The following LAG3 variants were observed in gnomAD, a reference collection of about 807,000 sequenced individuals.
LAG3 encodes the protein lymphocyte activation gene 3 protein.
A neutral mutation model predicts 49.0 loss-of-function variants in LAG3; 29 were observed. The ratio of observed to expected loss-of-function variants is 0.59; its 90% CI spans 0.44 to 0.81. The LOEUF is 0.81. Among genes scored for constraint, LAG3 ranks in the 30% least tolerant of loss-of-function variants. The probability of loss-of-function intolerance (pLI) is 0.00; values close to 1 mark genes in which losing one functional copy is unlikely to be tolerated. For missense variants in LAG3, 693 were observed against 695.2 expected (o/e 1.00, Z 0.04); for synonymous variants, 320 against 297.3 (o/e 1.08, Z -0.79).
At position 6,778,298 on chromosome 12, in the gene LAG3, C is replaced by T. The variant is rs1250567443; in HGVS notation, c.1486C>T (p.Gln496Ter). Residue 496 changes from glutamine to a stop codon, truncating the protein, a stop_gained, in exon 8 of 8, where the codon CAG becomes TAG. Coordinates refer to ENST00000203629, the MANE Select transcript of LAG3 (RefSeq NM_002286.6). LOFTEE classifies it low-confidence loss of function (END_TRUNC). Reference protein sequence around the residue: ...LEQGIHPPQAQSKIEELEQEP... With the variant: ...LEQGIHPPQA The stretch of plus-strand genomic sequence containing the variant: ...GCAAGGGATTCACCCTCCGCAGGCT[C>T]AGAGCAAGATAGAGGAGCTGGAGCA... The T allele has an allele frequency of 1.2e-6, 2 of 1,613,462 alleles. No homozygotes were observed. Among genetic ancestry groups the T allele is most frequent in the Non-Finnish European group, 8.5e-7 (1 of 1,179,748 alleles).
At position 6,778,392 on chromosome 12, in the gene LAG3, C is replaced by G. The variant is rs1299663202; in HGVS notation, c.*2C>G. The G allele has an allele frequency of 6.2e-7, 1 of 1,609,424 alleles. No individual in the cohort carries two copies. The highest frequency in any genetic ancestry group is 8.5e-7 in the Non-Finnish European group (1 of 1,179,826). Reference sequence around the variant, plus strand: ...GAGCCCGAGCCGGAGCAGCTCTGACCTGGAGCTGAGGCAGCCAGCAGATCT... The same window carrying G: ...GAGCCCGAGCCGGAGCAGCTCTGACGTGGAGCTGAGGCAGCCAGCAGATCT... On this transcript the variant is annotated 3_prime_UTR_variant, in exon 8 of 8. Coordinates refer to ENST00000203629, the MANE Select transcript of LAG3 (RefSeq NM_002286.6).
chr12:6,774,297 A>G (rs1306697503), intron 3 of LAG3, among the ~76,000 whole-genome samples: 1 of 152,094 alleles, frequency 6.6e-6, no homozygotes, highest in East Asian at 1.9e-4. Flanking sequence ...GATTCATTTC[A>G]GATATCTGTA....
At chr12:6,777,242 C>A in intron 5 of LAG3, 22 bp from the exon 6 acceptor site, 1 of 1,613,642 alleles carries the variant, frequency 6.2e-7, no homozygotes, top group Non-Finnish European at 8.5e-7. Flanking sequence ...CCCAAAAGAT[C>A]TCTTCCTTCT....
chr12:6,772,953 G>T (rs923508002), intron 1 of LAG3, 43 bp downstream of exon 1: 3 of 1,593,492 alleles, frequency 1.9e-6, no homozygotes, highest in African/African-American at 2.7e-5. Flanking sequence ...AGCCCCACAG[G>T]AGGGGACCAG....
At chr12:6,774,160 A>G (rs1437435094) in intron 3 of LAG3, among the ~76,000 whole-genome samples, 159 bp downstream of exon 3, 3 of 150,832 alleles carry the variant, frequency 2.0e-5, no homozygotes, top group Non-Finnish European at 2.9e-5. Context: ...CTGGAGTGGA[A>G]GGTGCCCCCG....
chr12:6,774,482 G>A lies in LAG3; in HGVS notation c.512-113G>A, dbSNP rs927776574. The A allele has an allele frequency of 5.8e-6, 7 of 1,214,666 alleles. No individual in the cohort carries two copies. In the African/African-American group the frequency reaches 6.1e-5, roughly 11 times the overall value. The allele number at this position is 1,214,666 out of a possible 1,614,324, so 75.2% of individuals were successfully genotyped here. On this transcript the variant is annotated intron_variant, in intron 3 of 7. Coordinates refer to ENST00000203629, the MANE Select transcript of LAG3 (RefSeq NM_002286.6). The stretch of plus-strand genomic sequence containing the variant: ...GGGGAGAGGGTGATGTGGGAGAGGA[G>A]AAGACAAGTCTAAAGCCAGGTGCCT...
Position 6,778,423 on chromosome 12 carries a change from G to T in LAG3, c.*33G>T. The T allele has an allele frequency of 6.3e-7, 1 of 1,597,910 alleles. No homozygotes were observed. The highest frequency in any genetic ancestry group is 1.1e-5 in the South Asian group (1 of 90,598). On this transcript the variant is annotated 3_prime_UTR_variant, in exon 8 of 8. Transcript: ENST00000203629. ...CTGAGGCAGCCAGCAGATCTCAGCA[G>T]CCCAGTCCAAATAAACTCCCTGTCA... is the stretch of plus-strand genomic sequence containing the variant.
In LAG3 at chr12:6,777,731, G is replaced by A. The variant is rs1592497772; in HGVS notation, c.1301-60G>A. ...CTCATTGCATCTGTAAAGTCTGAGAGAATGACAAAGTGTCCTTTCTAGTCC... is the reference window on the plus strand; with the variant it reads ...CTCATTGCATCTGTAAAGTCTGAGAAAATGACAAAGTGTCCTTTCTAGTCC... On this transcript the variant is annotated intron_variant, in intron 6 of 7. Coordinates refer to ENST00000203629, the MANE Select transcript of LAG3 (RefSeq NM_002286.6). 1.1e-5 allele frequency: 18 copies of A among 1,586,760 alleles called. No individual in the cohort carries two copies. The East Asian group carries it at 4.0e-4, about 35-fold the overall frequency.
chr12:6,773,562 G>T lies in LAG3; in HGVS notation c.207-135G>T. On this transcript the variant is annotated intron_variant, in intron 2 of 7. Coordinates refer to ENST00000203629, the MANE Select transcript of LAG3 (RefSeq NM_002286.6). This position sits in a 1 kb window ranked among gnomAD's most constrained non-coding sequence, Gnocchi z 5.5. ...TGGATGCGGCCAGTCCAACAGAGGG[G>T]TCGGGCGTGAGGGGACGGTTGGTGG... 8.5e-7 allele frequency: 1 copy of T among 1,176,722 alleles called. No individual in the cohort carries two copies. Among genetic ancestry groups the T allele is most frequent in the East Asian group, 3.1e-5 (1 of 32,116 alleles). The allele number at this position is 1,176,722 out of a possible 1,614,324, so 72.9% of individuals were successfully genotyped here.
chr12:6,775,548 G>A lies in LAG3; in HGVS notation c.1057G>A (p.Val353Met). 1 of 1,613,934 alleles carries A rather than the reference G, an allele frequency of 6.2e-7. No homozygotes were observed. The highest frequency in any genetic ancestry group is 8.5e-7 in the Non-Finnish European group (1 of 1,179,786). Residue 353 changes from valine to methionine, a missense_variant and splice_region_variant, in exon 5 of 8, where the codon GTG becomes ATG. By Grantham distance (21) the Val-to-Met change is conservative (BLOSUM62 1). Coordinates refer to ENST00000203629, the MANE Select transcript of LAG3 (RefSeq NM_002286.6). ...NATVTLAIIT[V>M]TPKSFGSPGS... ...CACTGTCACATTGGCAATCATCACA[G>A]GTCAGCCTCAGGTGGGAAAGGAGTA...
chr12:6,775,916 C>A (rs1163244658), intron 5 of LAG3, among the ~76,000 whole-genome samples: 1 of 152,182 alleles, frequency 6.6e-6, no homozygotes, highest in Non-Finnish European at 1.5e-5. Flanking sequence ...GTTAGAGTTG[C>A]AGGAAGTGGC....
At chr12:6,777,751 T>C in intron 6 of LAG3, 40 bp from the exon 7 acceptor site, 1 of 1,609,600 alleles carries the variant, frequency 6.2e-7, no homozygotes, top group Non-Finnish European at 8.5e-7. Context: ...GTGTCCTTTC[T>C]AGTCCTGACC....
In LAG3 at chr12:6,773,841, G is replaced by C; in HGVS notation, c.351G>C (p.Gln117His). ...TGCGCAGCGGGAGGCTGCCCCTGCA[G>C]CCCCGCGTCCAGCTGGATGAGCGCG... is the stretch of plus-strand genomic sequence containing the variant. ...GGLRSGRLPL[Q>H]PRVQLDERGR... The change falls in exon 3 of 8, where the codon CAG becomes CAC. Residue 117 changes from glutamine (Q) to histidine (H), a missense_variant. Physicochemically the swap from Gln to His is conservative, Grantham distance 24 (BLOSUM62 0). Coordinates refer to ENST00000203629, the MANE Select transcript of LAG3 (RefSeq NM_002286.6). This position sits in a 1 kb window ranked among gnomAD's most constrained non-coding sequence, Gnocchi z 5.5. 2 of 1,411,688 alleles carry C rather than the reference G, an allele frequency of 1.4e-6. No individual in the cohort carries two copies. Among genetic ancestry groups the C allele is most frequent in the Non-Finnish European group, 9.2e-7 (1 of 1,087,898 alleles). The allele number at this position is 1,411,688 out of a possible 1,614,324, so 87.4% of individuals were successfully genotyped here.
chr12:6,774,123 G>A, intron 3 of LAG3, 122 bp downstream of exon 3: 2 of 1,320,988 alleles, frequency 1.5e-6, no homozygotes, highest in Non-Finnish European at 1.9e-6. Context: ...GCTCCCAGAA[G>A]AGTAGAGGAA....
At position 6,775,443 on chromosome 12, in the gene LAG3, C is replaced by A; in HGVS notation, c.952C>A (p.Leu318Ile). Residue 318 changes from leucine to isoleucine, a missense_variant, in exon 5 of 8, where the codon CTT becomes ATT. Transcript: ENST00000203629. ...LVTGDNGDFT[L>I]RLEDVSQAQA... ...GACTGGAGACAATGGCGACTTTACC[C>A]TTCGACTAGAGGATGTGAGCCAGGC... The A allele has an allele frequency of 6.2e-7, 1 of 1,614,220 alleles. No individual in the cohort carries two copies. The highest frequency in any genetic ancestry group is 8.5e-7 in the Non-Finnish European group (1 of 1,180,040).
intron 4 of LAG3, 104 bp downstream of exon 4, chr12:6,774,968 G>A (rs1353020230): frequency 6.0e-6 from 7 of 1,174,488 alleles, no homozygotes; most frequent in East Asian, 2.3e-5. Flanking sequence ...GCAGCGAGTG[G>A]CCTACGTCAT....
In LAG3 at chr12:6,773,745, C is replaced by T. The variant is rs1756091710; in HGVS notation, c.255C>T (p.His85=). 1 of 1,327,256 alleles carries T rather than the reference C, an allele frequency of 7.5e-7. No individual in the cohort carries two copies. The highest frequency in any genetic ancestry group is 9.6e-7 in the Non-Finnish European group (1 of 1,045,306). 82.2% of individuals were successfully genotyped at this position (1,327,256 alleles called of 1,614,324 possible). ...APGHPLAPGP[H]PAAPSSWGPR... Reference sequence around the variant, plus strand: ...GCCATCCCCTGGCCCCCGGCCCTCACCCGGCGGCGCCCTCCTCCTGGGGGC... The same window carrying T: ...GCCATCCCCTGGCCCCCGGCCCTCATCCGGCGGCGCCCTCCTCCTGGGGGC... Residue 85 remains histidine, a synonymous_variant, in exon 3 of 8, where the codon CAC becomes CAT. Transcript: ENST00000203629. The surrounding 1 kb of genome is among the most constrained non-coding windows in gnomAD (Gnocchi z 5.5).
At position 6,775,267 on chromosome 12, in the gene LAG3, C is replaced by T. The variant is rs1368988451; in HGVS notation, c.782-6C>T. On this transcript the variant is annotated splice_region_variant and splice_polypyrimidine_tract_variant and intron_variant, in intron 4 of 7. Coordinates refer to ENST00000203629, the MANE Select transcript of LAG3 (RefSeq NM_002286.6). ...GCTTTAACTTTGGGTTTTCTTTTCT[C>T]TTCAGGTCTGGAGCCCCCAACTCCC... The T allele has an allele frequency of 1.2e-6, 2 of 1,610,236 alleles. No individual in the cohort carries two copies. Among genetic ancestry groups the T allele is most frequent in the Non-Finnish European group, 8.5e-7 (1 of 1,177,742 alleles).
rs554693777 is a variant in LAG3, at chr12:6,774,605, C to T, written c.522C>T (p.Ser174=). 1.5e-5 allele frequency: 25 copies of T among 1,613,156 alleles called. No individual in the cohort carries two copies. The highest frequency in any genetic ancestry group is 1.6e-4 in the Middle Eastern group (1 of 6,082). Residue 174 remains serine, a synonymous_variant, in exon 4 of 8, where the codon AGC becomes AGT. Transcript: ENST00000203629. ...TTTATCCTTGCACAGTGACTGCCAG[C>T]CCCCCAGGATCTCTCAGAGCCTCCG... is the stretch of plus-strand genomic sequence containing the variant. ...LRLGQASMTA[S]PPGSLRASDW...
Sources: allele counts gnomAD v4.1 joint callset (sites outside exome capture counted in the v4.1 genomes callset), GRCh38; gene constraint gnomAD v4.1.1; non-coding constraint Gnocchi (gnomAD v3.1); transcripts MANE v1.5; gene names NCBI Gene and HGNC (gene_info 2026-07-23, HGNC 2026-07-21).